RSU1: variants seen among roughly 807,000 people sequenced by gnomAD.
The protein encoded by RSU1 is rsu-1.
In RSU1, 26 loss-of-function variants were observed where a neutral mutation model predicts 31.1. The observed-to-expected ratio is 0.84, with a 90% CI of 0.61 to 1.16. The LOEUF is 1.16. Ranked by LOEUF, RSU1 falls within the 50% of genes most tolerant of loss-of-function variation. The pLI, the probability that RSU1 is intolerant of heterozygous loss-of-function variation, is 0.00. For missense variants in RSU1, 320 were observed against 339.1 expected, an observed-to-expected ratio of 0.94 and a Z score of 0.44; for synonymous variants, 164 against 136.3, an observed-to-expected ratio of 1.20 and a Z score of -1.41.
intron 7 of RSU1, among the ~76,000 whole-genome samples, chr10:16,741,843 G>A (rs997627956): frequency 6.6e-6 from 1 of 152,162 alleles, no homozygotes; most frequent in Non-Finnish European, 1.5e-5. Context: ...TTAAACCAAT[G>A]TCTTGGGGAA....
At chr10:16,785,439 T>TATATACATATATATAC (rs753904677) in intron 2 of RSU1, among the ~76,000 whole-genome samples, 11 of 128,382 alleles carry the variant, frequency 8.6e-5, no homozygotes, top group African/African-American at 2.1e-4. Context: ...TATATATATA[T>TATATACATATATATAC]ACACATATAT....
chr10:16,616,359 T>C (rs1376343770), intron 8 of RSU1, among the ~76,000 whole-genome samples: 3 of 93,646 alleles, frequency 3.2e-5, no homozygotes, highest in African/African-American at 1.2e-4. Context: ...CAGTAATTAA[T>C]AGCCTACCAA....
Position 16,782,901 on chromosome 10 carries a change from T to C in RSU1, c.110-817A>G, listed in dbSNP as rs542594463. 2.7e-5 allele frequency among the ~76,000 whole-genome samples: 4 copies of C among 147,654 alleles called. No individual in the cohort carries two copies. In the South Asian group the frequency reaches 8.5e-4, roughly 31 times the overall value. On this transcript the variant is annotated intron_variant, in intron 2 of 8. Transcript: ENST00000345264. ...ATATACACGTGTGTGTGTGTATGTGTAAATTTTTCCTATTTTTTTTTTTTT... is the reference window on the plus strand; with the variant it reads ...ATATACACGTGTGTGTGTGTATGTGCAAATTTTTCCTATTTTTTTTTTTTT...
intron 8 of RSU1, among the ~76,000 whole-genome samples, chr10:16,594,079 A>G (rs1290041225): frequency 6.6e-6 from 1 of 151,750 alleles, no homozygotes; most frequent in Non-Finnish European, 1.5e-5. Context: ...TCCGTGGCTG[A>G]GAGGATTTAA....
chr10:16,775,254 T>G (rs113302224), intron 3 of RSU1, among the ~76,000 whole-genome samples: 7 of 152,264 alleles, frequency 4.6e-5, no homozygotes, highest in African/African-American at 1.7e-4. Context: ...CTATCATCAA[T>G]AGCAATAGAA....
chr10:16,674,693 G>A (rs909868589), intron 8 of RSU1, among the ~76,000 whole-genome samples: 5 of 152,128 alleles, frequency 3.3e-5, no homozygotes, highest in African/African-American at 1.2e-4. Flanking sequence ...GATGGCATTT[G>A]AACTGAAACT....
At chr10:16,782,242 T>C (rs1044466238) in intron 2 of RSU1, among the ~76,000 whole-genome samples, 158 bp from the exon 3 acceptor site, 1 of 152,234 alleles carries the variant, frequency 6.6e-6, no homozygotes, top group Non-Finnish European at 1.5e-5. Flanking sequence ...ACACGATCTA[T>C]TCAATGTTAA....
chr10:16,635,712 C>CT (rs980803600), intron 8 of RSU1, among the ~76,000 whole-genome samples: 5 of 152,242 alleles, frequency 3.3e-5, no homozygotes, highest in Admixed American at 6.5e-5. Flanking sequence ...TTCCTTAACC[C>CT]TACATCCTCT....
chr10:16,749,164 C>T (rs1350494801), intron 7 of RSU1, among the ~76,000 whole-genome samples: 2 of 152,174 alleles, frequency 1.3e-5, no homozygotes, highest in Non-Finnish European at 2.9e-5. Flanking sequence ...GGTATATAGA[C>T]TAATATGAAA....
Position 16,610,167 on chromosome 10 carries a change from T to C in RSU1, c.732-16671A>G, listed in dbSNP as rs150045588. Reference sequence around the variant, plus strand: ...AAATTTAATGATTTTTTGAGTACTATGTCTTTGAACTCTGGTGAGTATTTT... The same window carrying C: ...AAATTTAATGATTTTTTGAGTACTACGTCTTTGAACTCTGGTGAGTATTTT... On this transcript the variant is annotated intron_variant, in intron 8 of 8. Transcript: ENST00000345264. Among the ~76,000 whole-genome samples, 45 of 152,290 alleles carry C rather than the reference T, an allele frequency of 3.0e-4. 2 individuals are homozygous for C. In the East Asian group the frequency reaches 7.9e-3, roughly 27 times the overall value.
intron 8 of RSU1, among the ~76,000 whole-genome samples, chr10:16,633,781 A>G (rs1834296444): frequency 6.6e-6 from 1 of 152,166 alleles, no homozygotes; most frequent in African/African-American, 2.4e-5. Context: ...CACACTCCTC[A>G]GAGTCCCTTC....
chr10:16,645,871 CAT>C lies in RSU1; in HGVS notation c.731+49150_731+49151del, dbSNP rs1393700720. On this transcript the variant is annotated intron_variant, in intron 8 of 8. Coordinates refer to ENST00000345264, the MANE Select transcript of RSU1 (RefSeq NM_012425.4). ...GTTTTAAAATATATACGTATATATA[CAT>C]ATATGTGTATATACATATATGTATA... Among the ~76,000 whole-genome samples, 5 of 110,234 alleles carry C rather than the reference CAT, an allele frequency of 4.5e-5. 1 individual carries two copies. Among genetic ancestry groups the C allele is most frequent in the African/African-American group, 1.1e-4 (2 of 18,650 alleles). The allele number at this position is 110,234 out of a possible 152,430, so 72.3% of individuals were successfully genotyped here. A position where few individuals can be genotyped will look rare whatever the true frequency, so the allele number is the denominator to read the frequency against.
intron 8 of RSU1, among the ~76,000 whole-genome samples, chr10:16,669,376 C>CA (rs1407830570): frequency 6.6e-6 from 1 of 151,088 alleles, no homozygotes; most frequent in African/African-American, 2.4e-5. Context: ...TTTTTTTTCC[C>CA]CCCCCAAAGC....
chr10:16,715,395 G>A (rs2883918), intron 7 of RSU1, among the ~76,000 whole-genome samples: 62,273 of 152,002 alleles, frequency 0.41, 13,295 homozygotes, highest in East Asian at 0.69. Flanking sequence ...ACGTCTTGAA[G>A]ATTTTATCCT....
chr10:16,620,794 G>A (rs1005109101), intron 8 of RSU1, among the ~76,000 whole-genome samples: 139 of 151,404 alleles, frequency 9.2e-4, no homozygotes, highest in African/African-American at 3.1e-3. Flanking sequence ...GCAGTCAGCT[G>A]AGATCGCGCC....
chr10:16,787,244 G>A (rs949686457), intron 2 of RSU1, among the ~76,000 whole-genome samples: 7 of 152,216 alleles, frequency 4.6e-5, no homozygotes, highest in Admixed American at 6.5e-5. Context: ...AAGTCTTCAC[G>A]TGAGCAGGTG....
At chr10:16,756,963 A>G (rs1416087367) in intron 4 of RSU1, among the ~76,000 whole-genome samples, 1 of 141,566 alleles carries the variant, frequency 7.1e-6, no homozygotes, top group Non-Finnish European at 1.5e-5. Flanking sequence ...GGTGTGGGGT[A>G]GGTATGAGTG....
chr10:16,674,723 AGCCTAAGGTCATTTAGAAACT>A (rs1835193025), intron 8 of RSU1, among the ~76,000 whole-genome samples: 1 of 152,168 alleles, frequency 6.6e-6, no homozygotes, highest in South Asian at 2.1e-4. Flanking sequence ...TAAGACAGCA[AGCCTAAGGTCATTTAGAAACT>A]GAATATAAGT....
At position 16,725,575 on chromosome 10, in the gene RSU1, C is replaced by T. The variant is rs75944611; in HGVS notation, c.598+26964G>A. 8.1e-3 allele frequency among the ~76,000 whole-genome samples: 1,223 copies of T among 151,902 alleles called. 34 individuals carry two copies. The East Asian group carries it at 0.1, about 13-fold the overall frequency. ...AAACCCCTGTGAAAGGTATTCGGTG[C>T]GCTTATAACAGGGCTTAAGAAGGGA... On this transcript the variant is annotated intron_variant, in intron 7 of 8. Coordinates refer to ENST00000345264, the MANE Select transcript of RSU1 (RefSeq NM_012425.4).
Sources: allele counts gnomAD v4.1 joint callset (sites outside exome capture counted in the v4.1 genomes callset), GRCh38; gene constraint gnomAD v4.1.1; transcripts MANE v1.5; gene names NCBI Gene and HGNC (gene_info 2026-07-23, HGNC 2026-07-21).